Variants in LRP1B observed in about 807,000 individuals in gnomAD.
LRP1B encodes the protein low-density lipoprotein receptor-related protein 1B.
LRP1B carries 217 observed loss-of-function variants against 556.6 expected under a neutral mutation model. The ratio of observed to expected loss-of-function variants is 0.39; its 90% CI spans 0.35 to 0.44. The LOEUF is 0.44. Among genes scored for constraint, LRP1B ranks in the 20% least tolerant of loss-of-function variants. The pLI is 1.00. For synonymous variants in LRP1B, 2,047 were observed against 1,865.8 expected (o/e 1.10, Z -2.50); for missense variants, 5,053 against 5,620.8 (o/e 0.90, Z 3.23).
chr2:141,661,904 G>A (rs1332148897), intron 2 of LRP1B, among the ~76,000 whole-genome samples: 2 of 152,054 alleles, frequency 1.3e-5, no homozygotes, highest in Non-Finnish European at 2.9e-5. Context: ...TTGAAATGAA[G>A]GAAAAAATGT....
intron 83 of LRP1B, among the ~76,000 whole-genome samples, chr2:140,307,398 TTATC>T (rs1279813672): frequency 6.6e-6 from 1 of 151,864 alleles, no homozygotes; most frequent in Non-Finnish European, 1.5e-5. Context: ...GTTAAACAAA[TTATC>T]TATGCTTAGG....
At chr2:140,657,896 G>T (rs1055077122) in intron 41 of LRP1B, among the ~76,000 whole-genome samples, 1 of 151,882 alleles carries the variant, frequency 6.6e-6, no homozygotes, top group Non-Finnish European at 1.5e-5. Flanking sequence ...ATGTGTTGGG[G>T]GTGGGAGATT....
rs144958573 is a variant in LRP1B at position 141,028,657 on chromosome 2, T to C, written c.1790-8555A>G. On this transcript the variant is annotated intron_variant, in intron 11 of 90. Transcript: ENST00000389484. ...ATAAATTGATCTTAATTGTTTCTTA[T>C]ATTAGAACAAAAATCATCATTCTTT... Among the ~76,000 whole-genome samples, 909 of 152,258 alleles carry C rather than the reference T, an allele frequency of 6.0e-3. 3 individuals are homozygous for C. The highest frequency in any genetic ancestry group is 0.01 in the Middle Eastern group (3 of 294).
chr2:140,388,139 G>A (rs1683846782), intron 66 of LRP1B, among the ~76,000 whole-genome samples: 1 of 152,108 alleles, frequency 6.6e-6, no homozygotes, highest in Admixed American at 6.5e-5. Flanking sequence ...GTTTCGCCAT[G>A]TAGGCCAGGC....
chr2:140,780,053 G>A (rs1048979162), intron 32 of LRP1B, among the ~76,000 whole-genome samples: 11 of 151,726 alleles, frequency 7.2e-5, no homozygotes, highest in African/African-American at 2.7e-4. Flanking sequence ...AAGAAAAAAA[G>A]GAAGGAAGAA....
chr2:141,630,649 T>A (rs79957123), intron 2 of LRP1B, among the ~76,000 whole-genome samples: 149 of 152,344 alleles, frequency 9.8e-4, no homozygotes, highest in African/African-American at 3.4e-3. Flanking sequence ...GTTTGACTTC[T>A]CAAATTTTCA....
chr2:140,516,801 T>C, intron 50 of LRP1B, 88 bp downstream of exon 50: 1 of 1,170,374 alleles, frequency 8.5e-7, no homozygotes, highest in Non-Finnish European at 1.2e-6. Flanking sequence ...CAGCTGACAA[T>C]GTTTTGTATA....
At chr2:141,346,238 A>C (rs79242641) in intron 3 of LRP1B, among the ~76,000 whole-genome samples, 1 of 152,134 alleles carries the variant, frequency 6.6e-6, no homozygotes, top group Admixed American at 6.6e-5. Context: ...TATATTTAAG[A>C]GTGAGAAACA....
chr2:140,915,103 C>T (rs963607141), intron 21 of LRP1B, among the ~76,000 whole-genome samples: 3 of 151,998 alleles, frequency 2.0e-5, no homozygotes, highest in South Asian at 2.1e-4. Flanking sequence ...TCAAGGGAAG[C>T]CATTGGATGT....
intron 35 of LRP1B, 146 bp downstream of exon 35, chr2:140,769,067 A>G (rs773132919): frequency 1.1e-5 from 8 of 708,164 alleles, no homozygotes; most frequent in Non-Finnish European, 1.8e-5. Context: ...AGAATAATTT[A>G]TGATTGGCCT....
At chr2:141,298,747 G>T (rs1487663889) in intron 3 of LRP1B, among the ~76,000 whole-genome samples, 1 of 152,012 alleles carries the variant, frequency 6.6e-6, no homozygotes, top group Non-Finnish European at 1.5e-5. Context: ...CTGAGGTCAG[G>T]AGTTCAAGAC....
chr2:140,381,607 A>C (rs542404764), intron 67 of LRP1B, among the ~76,000 whole-genome samples: 1 of 152,212 alleles, frequency 6.6e-6, no homozygotes, highest in African/African-American at 2.4e-5. Flanking sequence ...TCATGCCTGT[A>C]ATCCCAACAT....
At chr2:142,116,453 G>T (rs1025530670) in intron 1 of LRP1B, among the ~76,000 whole-genome samples, 1 of 152,012 alleles carries the variant, frequency 6.6e-6, no homozygotes. Context: ...ATGAAAGACA[G>T]ATACTCTCAC....
At chr2:141,394,863 C>G (rs1225044058) in intron 3 of LRP1B, among the ~76,000 whole-genome samples, 1 of 152,094 alleles carries the variant, frequency 6.6e-6, no homozygotes, top group African/African-American at 2.4e-5. Context: ...CTCTAAAACT[C>G]TCTGTTTATG....
intron 79 of LRP1B, among the ~76,000 whole-genome samples, chr2:140,328,254 T>G (rs1266402968): frequency 3.9e-5 from 6 of 151,980 alleles, no homozygotes; most frequent in Non-Finnish European, 8.8e-5. Context: ...TTAAGTATAA[T>G]AGAATCACAA....
At chr2:141,392,082 T>C (rs1373399316) in intron 3 of LRP1B, among the ~76,000 whole-genome samples, 1 of 152,120 alleles carries the variant, frequency 6.6e-6, no homozygotes, top group Non-Finnish European at 1.5e-5. Context: ...GACCTCTGGA[T>C]TGACTGGTTA....
Position 140,668,309 on chromosome 2 carries a change from C to CA in LRP1B, c.6799+31940dup, listed in dbSNP as rs560180473. Among the ~76,000 whole-genome samples the CA allele has an allele frequency of 6.0e-4, 36 of 59,668 alleles. 4 individuals are homozygous for CA. The highest frequency in any genetic ancestry group is 8.2e-4 in the Non-Finnish European group (29 of 35,578). 39.1% of individuals were successfully genotyped at this position (59,668 alleles called of 152,430 possible). On this transcript the variant is annotated intron_variant, in intron 41 of 90. Coordinates refer to ENST00000389484, the MANE Select transcript of LRP1B (RefSeq NM_018557.3). ...TGGGTGACAGAGCGAGACTCCGTCT[C>CA]AAAAAAAAAAAAAAAAAAAAAAAAA...
intron 2 of LRP1B, among the ~76,000 whole-genome samples, chr2:141,517,128 C>T (rs1251353560): frequency 6.6e-6 from 1 of 151,508 alleles, no homozygotes; most frequent in African/African-American, 2.4e-5. Flanking sequence ...TATGTCTACC[C>T]TTTTATGTTC....
chr2:141,907,495 T>C (rs10496907), intron 1 of LRP1B, among the ~76,000 whole-genome samples: 36,368 of 151,836 alleles, frequency 0.24, 5,075 homozygotes, highest in East Asian at 0.37. Flanking sequence ...CTTATCTGTA[T>C]CTTTTTTCTA....
Sources: allele counts gnomAD v4.1 joint callset (sites outside exome capture counted in the v4.1 genomes callset), GRCh38; gene constraint gnomAD v4.1.1; transcripts MANE v1.5; gene names NCBI Gene and HGNC (gene_info 2026-07-23, HGNC 2026-07-21).